Variants in EED observed in about 807,000 individuals in gnomAD.
EED encodes the protein polycomb protein EED.
Under a neutral mutation model 61.0 loss-of-function variants are expected in EED, and 9 were observed. That is an observed-to-expected ratio of 0.15 (90% confidence interval 0.09 to 0.26). The LOEUF (loss-of-function observed/expected upper bound fraction) is 0.26, where lower values mean the gene tolerates loss of function less well. Ranked by LOEUF, EED falls within the 10% of genes least tolerant of loss-of-function variation. The pLI is 1.00. For synonymous variants in EED, 187 were observed against 174.4 expected (o/e 1.07, Z -0.57); for missense variants, 315 against 542.3 (o/e 0.58, Z 4.16).
chr11:86,271,232 A>G (rs1349386333), intron 9 of EED, among the ~76,000 whole-genome samples: 2 of 152,204 alleles, frequency 1.3e-5, no homozygotes, highest in Admixed American at 1.3e-4. Context: ...AGTTTTTAGC[A>G]TATAAGTCCC....
Position 86,255,284 on chromosome 11 carries a change from T to C in EED, c.423T>C (p.Ala141=). 1 of 1,606,548 alleles carries C rather than the reference T, an allele frequency of 6.2e-7. No individual in the cohort carries two copies. The highest frequency in any genetic ancestry group is 8.5e-7 in the Non-Finnish European group (1 of 1,174,324). Residue 141 remains alanine (A), a synonymous_variant, in exon 4 of 12, where the codon GCT becomes GCC. Transcript: ENST00000263360. ...GGTTGTTGCAATCTTACGTGGATGC[T>C]GATGTATCCTTTCCTGGGTTTTTAA... is the stretch of plus-strand genomic sequence containing the variant. ...EIRLLQSYVD[A]DADENFYTCA... is the part of the protein sequence containing the mutation.
chr11:86,249,205 G>A (rs907752679), intron 1 of EED, among the ~76,000 whole-genome samples: 1 of 152,094 alleles, frequency 6.6e-6, no homozygotes, highest in Non-Finnish European at 1.5e-5. Context: ...AAAGACTAAT[G>A]ATATTCACAT....
intron 9 of EED, among the ~76,000 whole-genome samples, chr11:86,271,438 C>A (rs888802680): frequency 2.0e-5 from 3 of 152,166 alleles, no homozygotes; most frequent in African/African-American, 7.2e-5. Flanking sequence ...TGTAGACTAT[C>A]ATGTGATCTG....
intron 1 of EED, among the ~76,000 whole-genome samples, chr11:86,248,224 G>C (rs2138125937): frequency 6.6e-6 from 1 of 152,282 alleles, no homozygotes; most frequent in South Asian, 2.1e-4. Context: ...GCAAAGACTT[G>C]ATTTTAGTTT....
At chr11:86,264,317 TC>T in intron 7 of EED, 54 bp downstream of exon 7, 1 of 1,293,730 alleles carries the variant, frequency 7.7e-7, no homozygotes, top group Non-Finnish European at 1.1e-6. Context: ...CTGTGAACAG[TC>T]TCCATGGAAC....
chr11:86,259,293 T>C, intron 6 of EED, among the ~76,000 whole-genome samples: 1 of 142,018 alleles, frequency 7.0e-6, no homozygotes, highest in Non-Finnish European at 1.6e-5. Flanking sequence ...TAAAAAAGCC[T>C]ACTCAAAAGG....
downstream of EED, among the ~76,000 whole-genome samples, chr11:86,281,443 G>C (rs1946322164): frequency 6.6e-6 from 1 of 151,300 alleles, no homozygotes; most frequent in African/African-American, 2.4e-5. Context: ...TTTCTGCTCT[G>C]ATCTTTGTTA....
At chr11:86,257,855 A>C (rs1217240951) in intron 6 of EED, among the ~76,000 whole-genome samples, 1 of 152,150 alleles carries the variant, frequency 6.6e-6, no homozygotes, top group African/African-American at 2.4e-5. Context: ...TTTTGTGGCC[A>C]ATCTTATTTC....
chr11:86,265,230 C>G (rs1317850654), intron 7 of EED: 1 of 152,176 alleles, frequency 6.6e-6, no homozygotes, highest in Non-Finnish European at 1.5e-5. Context: ...TTCTTAGGCT[C>G]TTATAAAATG....
chr11:86,250,215 C>A, intron 1 of EED, 81 bp from the exon 2 acceptor site: 1 of 1,261,492 alleles, frequency 7.9e-7, no homozygotes, highest in Non-Finnish European at 1.0e-6. Flanking sequence ...TTAGGTCAGT[C>A]AGCATCTTCC....
intron 4 of EED, 125 bp downstream of exon 4, chr11:86,255,412 A>G (rs1386832629): frequency 1.6e-5 from 12 of 738,212 alleles, no homozygotes; most frequent in African/African-American, 7.1e-5. Context: ...TTTCTTCACT[A>G]TCACCCAAGA....
chr11:86,266,037 A>G (rs1945967520), intron 7 of EED, 46 bp from the exon 8 acceptor site: 1 of 1,505,324 alleles, frequency 6.6e-7, no homozygotes, highest in Non-Finnish European at 9.0e-7. Context: ...GGATAAATAT[A>G]ATTTGGAGCT....
Position 86,264,160 on chromosome 11 carries a change from T to C in EED, c.635-12T>C. 6.3e-7 allele frequency: 1 copy of C among 1,595,920 alleles called. No homozygotes were observed. The highest frequency in any genetic ancestry group is 8.5e-7 in the Non-Finnish European group (1 of 1,169,746). On this transcript the variant is annotated splice_polypyrimidine_tract_variant and intron_variant, in intron 6 of 11. Coordinates refer to ENST00000263360, the MANE Select transcript of EED (RefSeq NM_003797.5). ...AAAAAACATTCGCCTAATTTTTGTA[T>C]GTTTATACTAGATCATGCTTTACGA...
chr11:86,252,987 A>G (rs886628296), intron 3 of EED, among the ~76,000 whole-genome samples: 2 of 152,096 alleles, frequency 1.3e-5, no homozygotes, highest in African/African-American at 4.8e-5. Context: ...GGCTCAAGCA[A>G]TCTACCTGCC....
intron 1 of EED, among the ~76,000 whole-genome samples, chr11:86,245,712 G>A (rs970184367): frequency 2.8e-4 from 42 of 152,222 alleles, no homozygotes; most frequent in African/African-American, 9.4e-4. Context: ...TGGAAGGACG[G>A]GGCAGAGTTA....
At chr11:86,257,823 C>T (rs1945716575) in intron 6 of EED, among the ~76,000 whole-genome samples, 1 of 152,236 alleles carries the variant, frequency 6.6e-6, no homozygotes, top group Admixed American at 6.5e-5. Flanking sequence ...CATCCTGAGA[C>T]TGGCATCACC....
At chr11:86,283,074 G>A (rs1200407627), downstream of EED, among the ~76,000 whole-genome samples, 1 of 152,102 alleles carries the variant, frequency 6.6e-6, no homozygotes. Context: ...ACAACAGGCA[G>A]TTGGCTAGAT....
chr11:86,272,578 A>G (rs1220449879), intron 9 of EED, among the ~76,000 whole-genome samples: 9 of 152,184 alleles, frequency 5.9e-5, no homozygotes, highest in East Asian at 1.9e-4. Flanking sequence ...TTTATCAACT[A>G]TTGAGAGACA....
chr11:86,245,196 C>G lies in EED; in HGVS notation c.-34C>G. 2 of 1,586,146 alleles carry G rather than the reference C, an allele frequency of 1.3e-6. No homozygotes were observed. The highest frequency in any genetic ancestry group is 1.7e-6 in the Non-Finnish European group (2 of 1,160,616). The stretch of plus-strand genomic sequence containing the variant: ...CGGCGGTGTGGCGGAGGCCCCGCCC[C>G]AGGCGGCAGGAACCTGGAGGGAGGC... On this transcript the variant is annotated 5_prime_UTR_variant, in exon 1 of 12. Transcript: ENST00000263360.
Sources: allele counts gnomAD v4.1 joint callset (sites outside exome capture counted in the v4.1 genomes callset), GRCh38; gene constraint gnomAD v4.1.1; transcripts MANE v1.5; gene names NCBI Gene and HGNC (gene_info 2026-07-23, HGNC 2026-07-21).